The following SPIRE1 variants were observed in gnomAD, a reference collection of about 807,000 sequenced individuals.
SPIRE1 encodes the protein protein spire homolog 1.
Under a neutral mutation model 94.1 loss-of-function variants are expected in SPIRE1, and 40 were observed. The ratio of observed to expected loss-of-function variants is 0.43; its 90% confidence interval spans 0.33 to 0.55. SPIRE1 has a LOEUF of 0.55. Among genes scored for constraint, SPIRE1 ranks in the 20% least tolerant of loss-of-function variants. The pLI is 0.06. For synonymous variants in SPIRE1, 376 were observed against 371.7 expected (o/e 1.01, Z -0.13); for missense variants, 838 against 975.2 (o/e 0.86, Z 1.87).
At chr18:12,541,501 A>G (rs961366503) in intron 3 of SPIRE1, among the ~76,000 whole-genome samples, 2 of 152,202 alleles carry the variant, frequency 1.3e-5, no homozygotes, top group African/African-American at 4.8e-5. Context: ...CTATGTTACT[A>G]GGTGCACATA....
intron 2 of SPIRE1, among the ~76,000 whole-genome samples, chr18:12,556,794 G>A (rs1317105642): frequency 6.6e-6 from 1 of 152,194 alleles, no homozygotes; most frequent in Non-Finnish European, 1.5e-5. Flanking sequence ...GACCCAAAGA[G>A]TGAGCAGCAG....
chr18:12,485,867 T>C, intron 9 of SPIRE1, 92 bp downstream of exon 9: 1 of 984,400 alleles, frequency 1.0e-6, no homozygotes, highest in Non-Finnish European at 1.5e-6. Context: ...AATTTTCTTT[T>C]TTAACATGTT....
intron 2 of SPIRE1, among the ~76,000 whole-genome samples, chr18:12,550,366 T>C (rs1317335754): frequency 6.6e-6 from 1 of 152,212 alleles, no homozygotes; most frequent in Non-Finnish European, 1.5e-5. Context: ...GCAGTTTATG[T>C]AGTACTTGTT....
chr18:12,554,564 AAAG>A lies in SPIRE1; in HGVS notation c.373-7663_373-7661del, dbSNP rs1359539288. Among the ~76,000 whole-genome samples the A allele has an allele frequency of 2.6e-5, 4 of 152,208 alleles. No individual in the cohort carries two copies. The East Asian group carries it at 5.8e-4, about 22-fold the overall frequency. On this transcript the variant is annotated intron_variant, in intron 2 of 16. Coordinates refer to ENST00000409402, the MANE Select transcript of SPIRE1 (RefSeq NM_001128626.2). ...TCACAGCTGATTCTACCTAACATTTAAAGAAGAACTAATACCAATCCTTCTCAA... is the reference window on the plus strand; with the variant it reads ...TCACAGCTGATTCTACCTAACATTTAAAGAACTAATACCAATCCTTCTCAA...
upstream of SPIRE1, among the ~76,000 whole-genome samples, chr18:12,661,016 T>C (rs1299521228): frequency 2.0e-5 from 3 of 152,218 alleles, no homozygotes; most frequent in Non-Finnish European, 4.4e-5. Flanking sequence ...CCTTAAAGTT[T>C]TGATAAGCTG....
intron 2 of SPIRE1, among the ~76,000 whole-genome samples, chr18:12,605,241 G>A (rs529304044): frequency 1.5e-3 from 221 of 152,286 alleles, no homozygotes; most frequent in African/African-American, 5.1e-3. Context: ...ATAAAAGGCT[G>A]GGCATGGTGG....
At chr18:12,629,651 T>C (rs1292911402) in intron 2 of SPIRE1, among the ~76,000 whole-genome samples, 1 of 152,014 alleles carries the variant, frequency 6.6e-6, no homozygotes, top group African/African-American at 2.4e-5. Flanking sequence ...CAAAGTGGCA[T>C]GGGGGACGTT....
At chr18:12,650,644 AG>A (rs1451412371) in intron 1 of SPIRE1, among the ~76,000 whole-genome samples, 6 of 149,970 alleles carry the variant, frequency 4.0e-5, no homozygotes, top group African/African-American at 9.8e-5. Flanking sequence ...CGGGAGGCAG[AG>A]GTTGCAGTAA....
At position 12,621,418 on chromosome 18, in the gene SPIRE1, C is replaced by T. The variant is rs1458506534; in HGVS notation, c.372+13644G>A. ...ACATATGTCCACACAAAAATTTGTA[C>T]ATGAAAGTTTATAGCACCATTACTC... On this transcript the variant is annotated intron_variant, in intron 2 of 16. Coordinates refer to ENST00000409402, the MANE Select transcript of SPIRE1 (RefSeq NM_001128626.2). Among the ~76,000 whole-genome samples, 6 of 152,226 alleles carry T rather than the reference C, an allele frequency of 3.9e-5. No homozygotes were observed. In the East Asian group the frequency reaches 1.2e-3, roughly 29 times the overall value.
chr18:12,461,465 CATAT>C, intron 12 of SPIRE1, among the ~76,000 whole-genome samples: 2 of 148,838 alleles, frequency 1.3e-5, no homozygotes, highest in African/African-American at 5.1e-5. Flanking sequence ...TATGTATGTA[CATAT>C]GTACGTACAT....
At chr18:12,651,284 C>T (rs2038371872) in intron 1 of SPIRE1, among the ~76,000 whole-genome samples, 1 of 152,204 alleles carries the variant, frequency 6.6e-6, no homozygotes, top group African/African-American at 2.4e-5. Context: ...CCACTACCTA[C>T]TCTGGAAACC....
intron 2 of SPIRE1, among the ~76,000 whole-genome samples, chr18:12,631,405 T>C (rs1211107036): frequency 6.6e-6 from 1 of 151,790 alleles, no homozygotes; most frequent in Non-Finnish European, 1.5e-5. Context: ...AACCTTTTAA[T>C]GTCAGGCTCA....
intron 9 of SPIRE1, among the ~76,000 whole-genome samples, chr18:12,485,026 C>A (rs531692502): frequency 3.9e-5 from 6 of 151,912 alleles, no homozygotes; most frequent in African/African-American, 1.4e-4. Flanking sequence ...ACAGAAGGGT[C>A]TAAACTTGTA....
chr18:12,468,166 C>A (rs978047400), intron 10 of SPIRE1, among the ~76,000 whole-genome samples: 23 of 152,086 alleles, frequency 1.5e-4, no homozygotes, highest in Non-Finnish European at 1.0e-4. Flanking sequence ...AGAATGAAGT[C>A]TTTTATAAGC....
intron 6 of SPIRE1, among the ~76,000 whole-genome samples, chr18:12,499,600 C>T (rs2033586071): frequency 6.6e-6 from 1 of 151,332 alleles, no homozygotes; most frequent in South Asian, 2.1e-4. Context: ...AAAAACTGAT[C>T]AAAGACTTAA....
At chr18:12,610,586 C>T (rs1254184963) in intron 2 of SPIRE1, among the ~76,000 whole-genome samples, 1 of 152,162 alleles carries the variant, frequency 6.6e-6, no homozygotes, top group Admixed American at 6.6e-5. Context: ...TTCACTGCCT[C>T]CCCACCTGCA....
At chr18:12,589,443 A>G (rs966633971) in intron 2 of SPIRE1, among the ~76,000 whole-genome samples, 4 of 152,196 alleles carry the variant, frequency 2.6e-5, no homozygotes, top group Non-Finnish European at 5.9e-5. Flanking sequence ...TGTCCGGTGG[A>G]GAAAGCAGGC....
At chr18:12,588,605 T>TAAA (rs5823229) in intron 2 of SPIRE1, among the ~76,000 whole-genome samples, 1 of 135,544 alleles carries the variant, frequency 7.4e-6, no homozygotes, top group African/African-American at 2.7e-5. Context: ...TGTCTCACTT[T>TAAA]AAAAAAAAAA....
intron 4 of SPIRE1, among the ~76,000 whole-genome samples, chr18:12,521,971 A>C (rs1324314333): frequency 1.3e-5 from 2 of 152,140 alleles, no homozygotes; most frequent in African/African-American, 4.8e-5. Flanking sequence ...CGTGAGACAC[A>C]ATGATAATTT....
Sources: gnomAD v4.1 joint callset for allele counts (sites outside exome capture counted in the v4.1 genomes callset) on GRCh38, gnomAD v4.1.1 for gene constraint, MANE v1.5 for transcripts, NCBI Gene and HGNC (gene_info 2026-07-23, HGNC 2026-07-21) for gene names.